Variants in MECOM observed in about 807,000 individuals in gnomAD.
MECOM encodes MDS1 and EVI1 complex locus, also known as histone-lysine N-methyltransferase MECOM.
Under a neutral mutation model 116.3 loss-of-function variants are expected in MECOM, and 13 were observed. The observed-to-expected ratio is 0.11, with a 90% CI of 0.07 to 0.18. The LOEUF (loss-of-function observed/expected upper bound fraction) is 0.18. Among genes scored for constraint, MECOM ranks in the 10% least tolerant of loss-of-function variants. The pLI is 1.00. For synonymous variants in MECOM, 528 were observed against 535.2 expected, an observed-to-expected ratio of 0.99 and a Z score of 0.19; for missense variants, 1,299 against 1,509.0, an observed-to-expected ratio of 0.86 and a Z score of 2.31.
At chr3:169,496,383 A>T (rs1226698188) in intron 1 of MECOM, among the ~76,000 whole-genome samples, 2 of 152,236 alleles carry the variant, frequency 1.3e-5, no homozygotes. Flanking sequence ...TGGTGTTTGT[A>T]ACCTAAAAGA....
intron 7 of MECOM, among the ~76,000 whole-genome samples, chr3:169,117,705 T>A (rs963948672): frequency 6.6e-6 from 1 of 152,238 alleles, no homozygotes; most frequent in Non-Finnish European, 1.5e-5. Flanking sequence ...TATGCCTCTT[T>A]GCTAAGAATT....
At chr3:169,242,477 A>G (rs1038611256) in intron 2 of MECOM, among the ~76,000 whole-genome samples, 16 of 152,136 alleles carry the variant, frequency 1.1e-4, no homozygotes, top group African/African-American at 3.6e-4. Flanking sequence ...CCTGCCTGCT[A>G]TTCTCCAAGG....
At chr3:169,515,062 C>G (rs1378499245) in intron 1 of MECOM, among the ~76,000 whole-genome samples, 2 of 152,104 alleles carry the variant, frequency 1.3e-5, no homozygotes, top group Non-Finnish European at 2.9e-5. Flanking sequence ...ACTGAGAGAG[C>G]AGTTGCCTTC....
chr3:169,415,037 A>G (rs1302669870), intron 1 of MECOM, among the ~76,000 whole-genome samples: 1 of 152,212 alleles, frequency 6.6e-6, no homozygotes, highest in Non-Finnish European at 1.5e-5. Flanking sequence ...AGAGAACAAC[A>G]CAAAGATACT....
intron 2 of MECOM, among the ~76,000 whole-genome samples, chr3:169,348,831 G>T (rs1725809158): frequency 2.0e-5 from 3 of 151,918 alleles, no homozygotes; most frequent in Non-Finnish European, 4.4e-5. Flanking sequence ...GCCTTAGAAT[G>T]ACTGCATCTT....
Position 169,381,541 on chromosome 3 carries a change from A to T in MECOM, c.38-17T>A. ...ACTCATTATCTGTGAATAAATAAGA[A>T]CTTCATGAATTCCTTCTGATATTGA... On this transcript the variant is annotated splice_polypyrimidine_tract_variant and intron_variant, in intron 1 of 16. Transcript: ENST00000651503. 6.5e-7 allele frequency: 1 copy of T among 1,531,826 alleles called. No homozygotes were observed. The highest frequency in any genetic ancestry group is 8.8e-7 in the Non-Finnish European group (1 of 1,137,110). The allele number at this position is 1,531,826 out of a possible 1,614,324, so 94.9% of individuals were successfully genotyped here. A position where few individuals can be genotyped will look rare whatever the true frequency, so the allele number is the denominator to read the frequency against.
chr3:169,466,963 C>T (rs949456011), intron 1 of MECOM: 1 of 152,110 alleles, frequency 6.6e-6, no homozygotes, highest in African/African-American at 2.4e-5. Context: ...GGGTTCTCAA[C>T]AAATGTTGTT....
intron 2 of MECOM, among the ~76,000 whole-genome samples, chr3:169,373,836 T>A (rs933488460): frequency 6.6e-6 from 1 of 152,004 alleles, no homozygotes; most frequent in East Asian, 1.9e-4. Flanking sequence ...TCTCATTCCT[T>A]GCCTCCTCTT....
chr3:169,658,859 G>A (rs1015490696), intron 1 of MECOM, among the ~76,000 whole-genome samples: 1 of 152,102 alleles, frequency 6.6e-6, no homozygotes, highest in Non-Finnish European at 1.5e-5. Flanking sequence ...CAACGCGCAG[G>A]GGGGTGCCGG....
intron 1 of MECOM, among the ~76,000 whole-genome samples, chr3:169,481,587 A>G (rs923907651): frequency 2.0e-5 from 3 of 150,748 alleles, no homozygotes; most frequent in Non-Finnish European, 2.9e-5. Context: ...ATAAAAAAAA[A>G]ACTAAAAACT....
At chr3:169,266,262 G>A (rs1758285838) in intron 2 of MECOM, among the ~76,000 whole-genome samples, 1 of 152,132 alleles carries the variant, frequency 6.6e-6, no homozygotes, top group South Asian at 2.1e-4. Flanking sequence ...TCTCCTTGGT[G>A]TTGCCCATAA....
At chr3:169,342,068 G>T (rs574839844) in intron 2 of MECOM, among the ~76,000 whole-genome samples, 64 of 151,862 alleles carry the variant, frequency 4.2e-4, no homozygotes, top group African/African-American at 1.4e-3. Context: ...TTCTCAATAG[G>T]TATAAGTATG....
At chr3:169,560,196 TGTAA>T (rs971083605) in intron 1 of MECOM, among the ~76,000 whole-genome samples, 1 of 152,200 alleles carries the variant, frequency 6.6e-6, no homozygotes, top group African/African-American at 2.4e-5. Flanking sequence ...TTATTAAGCT[TGTAA>T]GTGTTATGCT....
At chr3:169,197,364 A>AAAATG (rs1748566085) in intron 2 of MECOM, among the ~76,000 whole-genome samples, 1 of 151,720 alleles carries the variant, frequency 6.6e-6, no homozygotes, top group Admixed American at 6.6e-5. Flanking sequence ...AAAATAAAAT[A>AAAATG]AAACAAGTGC....
chr3:169,654,534 C>T (rs942029713), intron 1 of MECOM, among the ~76,000 whole-genome samples: 4 of 152,174 alleles, frequency 2.6e-5, no homozygotes, highest in Admixed American at 6.6e-5. Flanking sequence ...AGCCAAATGA[C>T]TCCTTCTCCC....
intron 1 of MECOM, among the ~76,000 whole-genome samples, chr3:169,513,153 C>A (rs1756190718): frequency 6.6e-6 from 1 of 152,236 alleles, no homozygotes; most frequent in Admixed American, 6.5e-5. Context: ...CAGGTGTGCA[C>A]CCCATAACAT....
In MECOM at chr3:169,203,653, C is replaced by T. The variant is rs568239349; in HGVS notation, c.376-59821G>A. Among the ~76,000 whole-genome samples, 482 of 152,108 alleles carry T rather than the reference C, an allele frequency of 3.2e-3. 4 individuals are homozygous for T. The highest frequency in any genetic ancestry group is 0.011 in the African/African-American group (462 of 41,478). On this transcript the variant is annotated intron_variant, in intron 2 of 16. Coordinates refer to ENST00000651503, the MANE Select transcript of MECOM (RefSeq NM_004991.4). ...TGCCAGACATAGAGAATAAATAGGACAAGCCTATTTAAATATCTAAGTAAG... is the reference window on the plus strand; with the variant it reads ...TGCCAGACATAGAGAATAAATAGGATAAGCCTATTTAAATATCTAAGTAAG...
chr3:169,560,177 T>G (rs1276675547), intron 1 of MECOM, among the ~76,000 whole-genome samples: 1 of 152,216 alleles, frequency 6.6e-6, no homozygotes, highest in Non-Finnish European at 1.5e-5. Context: ...AGTAAAATTT[T>G]ATTTATAATT....
intron 1 of MECOM, among the ~76,000 whole-genome samples, chr3:169,604,315 C>G (rs536396795): frequency 2.0e-4 from 31 of 152,002 alleles, no homozygotes; most frequent in African/African-American, 6.5e-4. Context: ...CACATACTCA[C>G]TAGCTCCCCT....
Sources: gnomAD v4.1 joint callset for allele counts (sites outside exome capture counted in the v4.1 genomes callset) on GRCh38, gnomAD v4.1.1 for gene constraint, MANE v1.5 for transcripts, NCBI Gene and HGNC (gene_info 2026-07-23, HGNC 2026-07-21) for gene names.